EXOC2: variants seen among roughly 807,000 people sequenced by gnomAD.
The protein encoded by EXOC2 is exocyst complex component 2, also known as SEC5-like 1.
In EXOC2, 70 loss-of-function variants were observed where a neutral mutation model predicts 131.8. The ratio of observed to expected loss-of-function variants is 0.53; its 90% CI spans 0.44 to 0.65. EXOC2 has a LOEUF of 0.65. Among genes scored for constraint, EXOC2 ranks in the 30% least tolerant of loss-of-function variants. The probability of loss-of-function intolerance (pLI) is 0.00; values close to 1 mark genes in which losing one functional copy is unlikely to be tolerated. For missense variants in EXOC2, 923 were observed against 1,108.6 expected, an observed-to-expected ratio of 0.83 and a Z score of 2.38; for synonymous variants, 411 against 398.4, an observed-to-expected ratio of 1.03 and a Z score of -0.38.
At chr6:664,720 A>G (rs1390328664) in intron 1 of EXOC2, among the ~76,000 whole-genome samples, 1 of 152,254 alleles carries the variant, frequency 6.6e-6, no homozygotes, top group East Asian at 1.9e-4. Context: ...TGGTGCTAGT[A>G]TAACTGGCTA....
chr6:632,862 C>T (rs781465387), intron 3 of EXOC2, 79 bp downstream of exon 3: 10 of 1,405,564 alleles, frequency 7.1e-6, no homozygotes, highest in Middle Eastern at 2.5e-4. Flanking sequence ...AGGTTTTACA[C>T]GAATCTACCA....
intron 23 of EXOC2, among the ~76,000 whole-genome samples, chr6:516,978 G>T (rs1008733736): frequency 1.3e-5 from 2 of 152,148 alleles, no homozygotes; most frequent in African/African-American, 4.8e-5. Flanking sequence ...GTGGGAGCAG[G>T]TCCAGCTGGC....
chr6:545,844 A>G (rs972301341), intron 22 of EXOC2, among the ~76,000 whole-genome samples: 10 of 152,240 alleles, frequency 6.6e-5, no homozygotes, highest in African/African-American at 1.7e-4. Context: ...TAAAAATACT[A>G]CGTATACCCA....
intron 1 of EXOC2, among the ~76,000 whole-genome samples, chr6:677,823 C>A (rs761586248): frequency 1.3e-5 from 2 of 152,112 alleles, no homozygotes; most frequent in Non-Finnish European, 2.9e-5. Flanking sequence ...CCTCAGAACT[C>A]TCCTATGAGG....
chr6:505,637 T>C (rs1402684529), intron 23 of EXOC2, among the ~76,000 whole-genome samples: 1 of 152,192 alleles, frequency 6.6e-6, no homozygotes, highest in African/African-American at 2.4e-5. Flanking sequence ...TCCACCGTTG[T>C]CCTCCTGGGC....
At chr6:633,271 C>A (rs773783789) in intron 2 of EXOC2, among the ~76,000 whole-genome samples, 154 bp from the exon 3 acceptor site, 2 of 152,150 alleles carry the variant, frequency 1.3e-5, no homozygotes, top group Non-Finnish European at 2.9e-5. Context: ...TCTCTATTGA[C>A]TTTTCCTCTT....
chr6:551,131 C>T (rs1181766445), intron 21 of EXOC2, among the ~76,000 whole-genome samples: 2 of 152,200 alleles, frequency 1.3e-5, no homozygotes, highest in African/African-American at 2.4e-5. Flanking sequence ...TGGAGACGCA[C>T]GTTTGAAAAC....
In EXOC2 at chr6:528,156, A is replaced by T. The variant is rs141711206; in HGVS notation, c.2380+4313T>A. On this transcript the variant is annotated intron_variant, in intron 23 of 27. Transcript: ENST00000230449. Reference sequence around the variant, plus strand: ...AATACCCAACGGTAAGATTTAAAAAAACATCGCTACGGCTTTAACGGATAT... The same window carrying T: ...AATACCCAACGGTAAGATTTAAAAATACATCGCTACGGCTTTAACGGATAT... Among the ~76,000 whole-genome samples the T allele has an allele frequency of 2.9e-3, 437 of 152,366 alleles. 3 individuals carry two copies. Among genetic ancestry groups the T allele is most frequent in the African/African-American group, 8.4e-3 (351 of 41,598 alleles).
chr6:635,800 C>G (rs1762071636), intron 2 of EXOC2, among the ~76,000 whole-genome samples: 1 of 152,242 alleles, frequency 6.6e-6, no homozygotes, highest in Non-Finnish European at 1.5e-5. Flanking sequence ...AGGCGGCGCA[C>G]GCCTGTAATG....
chr6:598,137 A>G lies in EXOC2; in HGVS notation c.971-14T>C. Reference sequence around the variant, plus strand: ...CTTCAGCATAATCTATTTAAAAAGAAAAGAATACACAAGATTTACAGAATG... The same window carrying G: ...CTTCAGCATAATCTATTTAAAAAGAGAAGAATACACAAGATTTACAGAATG... On this transcript the variant is annotated splice_polypyrimidine_tract_variant and intron_variant, in intron 9 of 27. Coordinates refer to ENST00000230449, the MANE Select transcript of EXOC2 (RefSeq NM_018303.6). 2 of 1,566,338 alleles carry G rather than the reference A, an allele frequency of 1.3e-6. No individual in the cohort carries two copies. Among genetic ancestry groups the G allele is most frequent in the Non-Finnish European group, 1.7e-6 (2 of 1,144,746 alleles).
intron 6 of EXOC2, among the ~76,000 whole-genome samples, chr6:615,433 G>T (rs1326706159): frequency 1.3e-5 from 2 of 152,062 alleles, no homozygotes; most frequent in Non-Finnish European, 2.9e-5. Flanking sequence ...CAATTTAATG[G>T]CAAGAAAAAT....
At chr6:498,839 G>A (rs1763882871) in intron 24 of EXOC2, among the ~76,000 whole-genome samples, 2 of 152,146 alleles carry the variant, frequency 1.3e-5, no homozygotes, top group Non-Finnish European at 2.9e-5. Context: ...CGGTGGAAAC[G>A]ACTGAATGGT....
intron 22 of EXOC2, among the ~76,000 whole-genome samples, chr6:538,043 G>A (rs1330636222): frequency 6.6e-6 from 1 of 152,070 alleles, no homozygotes; most frequent in African/African-American, 2.4e-5. Flanking sequence ...TTTACTGTAG[G>A]TAAATTACAC....
Position 553,813 on chromosome 6 carries a change from A to G in EXOC2, c.2121+41T>C, listed in dbSNP as rs1414234910. On this transcript the variant is annotated intron_variant, in intron 21 of 27. Transcript: ENST00000230449. ...TAGATTTGCGAAATTGTTGTTACAC[A>G]GTTTTAAAATGGTTTACTTTCTAGT... 5 of 1,543,828 alleles carry G rather than the reference A, an allele frequency of 3.2e-6. No individual in the cohort carries two copies. The East Asian group carries it at 9.0e-5, about 28-fold the overall frequency.
chr6:691,385 T>A (rs570260649), intron 1 of EXOC2, among the ~76,000 whole-genome samples: 12 of 152,286 alleles, frequency 7.9e-5, no homozygotes, highest in African/African-American at 2.6e-4. Context: ...ACTTCCTCCA[T>A]CTCTTCCATC....
intron 22 of EXOC2, among the ~76,000 whole-genome samples, chr6:547,083 A>G (rs746896777): frequency 6.6e-6 from 1 of 152,234 alleles, no homozygotes; most frequent in Non-Finnish European, 1.5e-5. Context: ...CCCTATGAAG[A>G]TTATGGAGCT....
At chr6:575,543 C>T (rs949033604) in intron 12 of EXOC2, among the ~76,000 whole-genome samples, 3 of 152,178 alleles carry the variant, frequency 2.0e-5, no homozygotes, top group East Asian at 1.9e-4. Context: ...TCCTGCCATG[C>T]GACATGCTGG....
At chr6:590,296 A>G (rs950806906) in intron 11 of EXOC2, among the ~76,000 whole-genome samples, 1 of 152,190 alleles carries the variant, frequency 6.6e-6, no homozygotes, top group Non-Finnish European at 1.5e-5. Context: ...TCACTTGCTA[A>G]AAATATAAAA....
chr6:488,448 G>C (rs368577949), intron 27 of EXOC2, among the ~76,000 whole-genome samples: 7 of 152,196 alleles, frequency 4.6e-5, no homozygotes, highest in Middle Eastern at 3.4e-3. Flanking sequence ...TTTAAATTCA[G>C]GTTGAGATCA....
Sources: allele counts gnomAD v4.1 joint callset (sites outside exome capture counted in the v4.1 genomes callset), GRCh38; gene constraint gnomAD v4.1.1; transcripts MANE v1.5; gene names NCBI Gene and HGNC (gene_info 2026-07-23, HGNC 2026-07-21).